The following EIF2AK4 variants were observed in gnomAD, a reference collection of about 807,000 sequenced individuals.
EIF2AK4 encodes the protein eukaryotic translation initiation factor 2 alpha kinase 4, also known as eIF-2-alpha kinase GCN2.
A neutral mutation model predicts 211.1 loss-of-function variants in EIF2AK4; 139 were observed. The ratio of observed to expected loss-of-function variants is 0.66; its 90% CI spans 0.57 to 0.76. The LOEUF is 0.76. Ranked by LOEUF, EIF2AK4 falls within the 30% of genes least tolerant of loss-of-function variation. The pLI is 0.00. For missense variants in EIF2AK4, 1,664 were observed against 2,043.8 expected (o/e 0.81, Z 3.58); for synonymous variants, 710 against 751.3 (o/e 0.94, Z 0.90).
In EIF2AK4 at chr15:40,016,576, A is replaced by C. The variant is rs2035305127; in HGVS notation, c.3834A>C (p.Ile1278=). The change falls in exon 28 of 39, where the codon ATA becomes ATC. Residue 1278 remains isoleucine (I), a synonymous_variant. Transcript: ENST00000263791. ...QDLMPTINSL[I]KQKTGIAQLV... ...TTATGCCAACAATAAATTCATTAAT[A>C]AAACAGAAAACAGGTATTGCACAGT... 6.2e-7 allele frequency: 1 copy of C among 1,614,242 alleles called. No individual in the cohort carries two copies. The highest frequency in any genetic ancestry group is 8.5e-7 in the Non-Finnish European group (1 of 1,180,040).
Position 40,002,771 on chromosome 15 carries a change from G to GCTTTAC in EIF2AK4, c.3219_3220insTTTACC (p.Arg1073_Ile1074insPheThr), listed in dbSNP as rs1567000951. On this transcript the variant is annotated inframe_insertion, in exon 22 of 39. Coordinates refer to ENST00000263791, the MANE Select transcript of EIF2AK4 (RefSeq NM_001013703.4). ...CAGCATGTGTGTGAAACCATCATCC[G>GCTTTAC]CATCTTTAAAAGACATGGTATGTAC... is the stretch of plus-strand genomic sequence containing the variant. The GCTTTAC allele has an allele frequency of 6.2e-7, 1 of 1,614,134 alleles. No homozygotes were observed. The highest frequency in any genetic ancestry group is 1.7e-5 in the Admixed American group (1 of 60,020).
chr15:40,016,464 TG>T, intron 27 of EIF2AK4, 37 bp from the exon 28 acceptor site: 1 of 1,613,034 alleles, frequency 6.2e-7, no homozygotes, highest in Non-Finnish European at 8.5e-7. Context: ...CTTCCCCTGC[TG>T]TGGATGGGCA....
intron 1 of EIF2AK4, among the ~76,000 whole-genome samples, chr15:39,937,019 T>C (rs1219682438): frequency 6.6e-6 from 1 of 152,214 alleles, no homozygotes; most frequent in Non-Finnish European, 1.5e-5. Flanking sequence ...ATATCATTTA[T>C]AAATAACATT....
At chr15:40,003,413 A>G in intron 23 of EIF2AK4, 99 bp downstream of exon 23, 25 of 1,514,408 alleles carry the variant, frequency 1.7e-5, no homozygotes, top group Non-Finnish European at 2.2e-5. Context: ...TATATTATAA[A>G]TGTCACCTTT....
intron 2 of EIF2AK4, among the ~76,000 whole-genome samples, chr15:39,940,688 GT>G (rs1239057525): frequency 1.3e-5 from 2 of 150,896 alleles, no homozygotes; most frequent in African/African-American, 2.4e-5. Flanking sequence ...TCTCTAGGTT[GT>G]TTTTTTTTCC....
rs181124286 is a variant in EIF2AK4 at position 39,935,412 on chromosome 15, C to G, written c.144+1073C>G. On this transcript the variant is annotated intron_variant, in intron 1 of 38. Transcript: ENST00000263791. The stretch of plus-strand genomic sequence containing the variant: ...GGAGTGCAGAGGCATGACCACGGCT[C>G]ACTGCAGCTTATTCTCAAGCAATCC... Among the ~76,000 whole-genome samples, 225 of 151,840 alleles carry G rather than the reference C, an allele frequency of 1.5e-3. 1 individual carries two copies. Among genetic ancestry groups the G allele is most frequent in the African/African-American group, 5.2e-3 (217 of 41,378 alleles).
Position 40,020,957 on chromosome 15 carries a change from G to A in EIF2AK4, c.4232G>A (p.Arg1411Lys). ...VVSVGQMSMSRAINLTQKLWT... is the reference protein window; with the variant it reads ...VVSVGQMSMSKAINLTQKLWT... ...AGTGTTGGCCAGATGTCTATGTCCA[G>A]GGCCATCAACCTAACCCAGAAACTC... Residue 1411 changes from arginine to lysine, a missense_variant, in exon 31 of 39, where the codon AGG (arginine) becomes AAG (lysine). Physicochemically the swap from Arg to Lys is conservative, Grantham distance 26. Coordinates refer to ENST00000263791, the MANE Select transcript of EIF2AK4 (RefSeq NM_001013703.4). The A allele has an allele frequency of 6.2e-7, 1 of 1,613,722 alleles. No homozygotes were observed. Among genetic ancestry groups the A allele is most frequent in the Non-Finnish European group, 8.5e-7 (1 of 1,179,886 alleles).
In EIF2AK4 at chr15:40,001,243, G is replaced by T; in HGVS notation, c.3159+19G>T. On this transcript the variant is annotated intron_variant, in intron 21 of 38. Transcript: ENST00000263791. ...ACTGAAGGTGGGCTTAAGCCACGCT[G>T]CACAAAGGGAGCTTCACCTTGTCCA... 1 of 1,608,490 alleles carries T rather than the reference G, an allele frequency of 6.2e-7. No homozygotes were observed. Among genetic ancestry groups the T allele is most frequent in the Non-Finnish European group, 8.5e-7 (1 of 1,176,980 alleles).
intron 9 of EIF2AK4, among the ~76,000 whole-genome samples, chr15:39,968,939 A>G (rs1024005906): frequency 1.3e-5 from 2 of 151,728 alleles, no homozygotes; most frequent in South Asian, 4.2e-4. Flanking sequence ...TTGATTCTTT[A>G]TGTTGGTTTC....
At chr15:40,027,018 G>A (rs1419021013) in intron 33 of EIF2AK4, among the ~76,000 whole-genome samples, 1 of 152,044 alleles carries the variant, frequency 6.6e-6, no homozygotes, top group Non-Finnish European at 1.5e-5. Flanking sequence ...TTGTTTATGT[G>A]AGTTATATCT....
At chr15:39,995,919 TATTA>T (rs2035012573) in intron 18 of EIF2AK4, among the ~76,000 whole-genome samples, 1 of 152,214 alleles carries the variant, frequency 6.6e-6, no homozygotes, top group Non-Finnish European at 1.5e-5. Context: ...AATGCGTTAT[TATTA>T]ATTATAGTCA....
chr15:39,999,844 T>C (rs1160412416), intron 20 of EIF2AK4, among the ~76,000 whole-genome samples: 3 of 152,226 alleles, frequency 2.0e-5, no homozygotes, highest in African/African-American at 7.2e-5. Context: ...GTCAGTCTTA[T>C]TTGGTGTTTC....
chr15:40,026,963 A>T (rs1410277502), intron 33 of EIF2AK4, among the ~76,000 whole-genome samples: 1 of 152,002 alleles, frequency 6.6e-6, no homozygotes, highest in Non-Finnish European at 1.5e-5. Context: ...TGGTCTTAGA[A>T]CCCCTTTACA....
At chr15:39,947,839 A>G (rs2034250541) in intron 3 of EIF2AK4, among the ~76,000 whole-genome samples, 1 of 152,230 alleles carries the variant, frequency 6.6e-6, no homozygotes, top group African/African-American at 2.4e-5. Flanking sequence ...AGTTCTTTTC[A>G]TCCAGTCTTA....
intron 18 of EIF2AK4, among the ~76,000 whole-genome samples, chr15:39,996,669 C>T (rs2035022462): frequency 6.6e-6 from 1 of 152,104 alleles, no homozygotes; most frequent in Non-Finnish European, 1.5e-5. Context: ...CGAGACTGCA[C>T]CACTGCACTT....
At chr15:39,978,717 AAAAAAATCAC>A (rs941693119) in intron 13 of EIF2AK4, among the ~76,000 whole-genome samples, 27 of 152,188 alleles carry the variant, frequency 1.8e-4, no homozygotes, top group Non-Finnish European at 2.1e-4. Flanking sequence ...CTAAACAAAC[AAAAAAATCAC>A]AAAAAATCTC....
intron 23 of EIF2AK4, among the ~76,000 whole-genome samples, chr15:40,005,690 C>A (rs924189006): frequency 2.0e-5 from 3 of 151,298 alleles, no homozygotes; most frequent in African/African-American, 7.3e-5. Flanking sequence ...TCCTGCCTCA[C>A]CCTCCCGAGT....
intron 35 of EIF2AK4, 39 bp downstream of exon 35, chr15:40,030,495 G>A (rs775045108): frequency 6.5e-6 from 10 of 1,532,196 alleles, no homozygotes; most frequent in Admixed American, 1.9e-5. Context: ...TCTAATATGA[G>A]TTACAGAAGA....
At chr15:40,030,775 C>T (rs567145447) in intron 35 of EIF2AK4, among the ~76,000 whole-genome samples, 6 of 152,144 alleles carry the variant, frequency 3.9e-5, no homozygotes, top group African/African-American at 9.6e-5. Flanking sequence ...TAGAAGAGGC[C>T]GATGACAAGA....
Sources: gnomAD v4.1 joint callset for allele counts (sites outside exome capture counted in the v4.1 genomes callset) on GRCh38, gnomAD v4.1.1 for gene constraint, MANE v1.5 for transcripts, NCBI Gene and HGNC (gene_info 2026-07-23, HGNC 2026-07-21) for gene names.